Variants in BRD4 observed in about 807,000 individuals in gnomAD.
The protein encoded by BRD4 is bromodomain-containing protein 4.
A neutral mutation model predicts 142.1 loss-of-function variants in BRD4; 16 were observed. The observed-to-expected ratio is 0.11, with a 90% CI of 0.08 to 0.17. The LOEUF (loss-of-function observed/expected upper bound fraction) is 0.17, where lower values mean the gene tolerates loss of function less well. Ranked by LOEUF, BRD4 falls within the 10% of genes least tolerant of loss-of-function variation. The probability of loss-of-function intolerance (pLI) is 1.00; values close to 1 mark genes in which losing one functional copy is unlikely to be tolerated. For synonymous variants in BRD4, 833 were observed against 707.5 expected (o/e 1.18, Z -2.82); for missense variants, 1,424 against 1,810.9 (o/e 0.79, Z 3.88).
At chr19:15,325,153 G>A (rs2048096332) in intron 1 of BRD4, among the ~76,000 whole-genome samples, 1 of 152,188 alleles carries the variant, frequency 6.6e-6, no homozygotes, top group South Asian at 2.1e-4. Flanking sequence ...TGTGCTGTGT[G>A]TCCTCTAAGG....
chr19:15,268,555 A>C (rs1200906511), intron 3 of BRD4, among the ~76,000 whole-genome samples: 1 of 152,104 alleles, frequency 6.6e-6, no homozygotes, highest in Non-Finnish European at 1.5e-5. Flanking sequence ...CTAACAATTT[A>C]CATCACCCAA....
intron 1 of BRD4, among the ~76,000 whole-genome samples, chr19:15,313,107 C>T (rs1207832568): frequency 6.6e-6 from 1 of 151,886 alleles, no homozygotes; most frequent in East Asian, 1.9e-4. Context: ...CACGGTGGCT[C>T]ACGCCCGTAA....
chr19:15,272,125 C>T (rs1182399949), intron 2 of BRD4, among the ~76,000 whole-genome samples: 2 of 152,122 alleles, frequency 1.3e-5, no homozygotes, highest in African/African-American at 4.8e-5. Flanking sequence ...GCTGGAGATA[C>T]AGGTTTGCTT....
In BRD4 at chr19:15,238,484, T is replaced by C. The variant is rs878965476; in HGVS notation, c.4021-39A>G. 6.2e-7 allele frequency: 1 copy of C among 1,613,202 alleles called. No individual in the cohort carries two copies. Among genetic ancestry groups the C allele is most frequent in the South Asian group, 1.1e-5 (1 of 91,012 alleles). On this transcript the variant is annotated intron_variant, in intron 19 of 19. Transcript: ENST00000679869. This position sits in a 1 kb window ranked among gnomAD's most constrained non-coding sequence, Gnocchi z 7.2. ...GAAGGAGGGAGTCAGGAGGATGACC[T>C]AGCCACCCTGCAGCTACAAGCCCTC... is the stretch of plus-strand genomic sequence containing the variant.
intron 1 of BRD4, among the ~76,000 whole-genome samples, chr19:15,280,678 T>A (rs1212838900): frequency 6.6e-6 from 1 of 152,176 alleles, no homozygotes; most frequent in Admixed American, 6.5e-5. Context: ...CCATACAGAC[T>A]GCCAGCCAAT....
rs2047255959 is a variant in BRD4, at chr19:15,243,319, T to C, written c.2750A>G (p.Glu917Gly). 5 of 1,190,100 alleles carry C rather than the reference T, an allele frequency of 4.2e-6. No homozygotes were observed. In the Admixed American group the frequency reaches 1.6e-4, roughly 39 times the overall value. The allele number at this position is 1,190,100 out of a possible 1,614,324, so 73.7% of individuals were successfully genotyped here. Residue 917 changes from glutamate to glycine, a missense_variant, in exon 14 of 20, where the codon GAG becomes GGG. This residue lies in a region of BRD4 where 598 missense variants were observed against 647.8 expected (regional missense o/e 0.92). Transcript: ENST00000679869. ...GGAGGTGAGGGGTGGGGCAGGTGGCTCTTCATCCTCCAGCAGCACTTGGGG... is the reference window on the plus strand; with the variant it reads ...GGAGGTGAGGGGTGGGGCAGGTGGCCCTTCATCCTCCAGCAGCACTTGGGG... ...QPPQVLLEDE[E>G]PPAPPLTSMQ...
intron 1 of BRD4, among the ~76,000 whole-genome samples, chr19:15,328,378 A>T (rs2048127682): frequency 6.6e-6 from 1 of 152,204 alleles, no homozygotes; most frequent in Non-Finnish European, 1.5e-5. Context: ...CCTCTTGAAA[A>T]TACTTTTGGC....
intron 1 of BRD4, among the ~76,000 whole-genome samples, chr19:15,276,120 C>T (rs1163690861): frequency 2.0e-5 from 3 of 152,240 alleles, no homozygotes. Flanking sequence ...AGGGACCACA[C>T]TGACCTACTG....
Position 15,243,388 on chromosome 19 carries a change from A to G in BRD4, c.2681T>C (p.Leu894Ser). 1 of 1,530,744 alleles carries G rather than the reference A, an allele frequency of 6.5e-7. No individual in the cohort carries two copies. The highest frequency in any genetic ancestry group is 2.4e-5 in the East Asian group (1 of 42,488). 94.8% of individuals were successfully genotyped at this position (1,530,744 alleles called of 1,614,324 possible). ...CTGTGGGAGCAGGGGTGTTTGGGTC[A>G]AGGCTGGTGACACGGCTGGGGGCCG... is the stretch of plus-strand genomic sequence containing the variant. ...PARPPAVSPALTQTPLLPQPP... is the reference protein window; with the variant it reads ...PARPPAVSPASTQTPLLPQPP... The change falls in exon 14 of 20, where the codon TTG becomes TCG. Residue 894 changes from leucine to serine, a missense_variant. Transcript: ENST00000679869.
At chr19:15,259,515 CA>C (rs1214461123) in intron 7 of BRD4, among the ~76,000 whole-genome samples, 1 of 152,216 alleles carries the variant, frequency 6.6e-6, no homozygotes, top group Non-Finnish European at 1.5e-5. Flanking sequence ...ATACAAGACA[CA>C]AAGTCAGCTA....
intron 10 of BRD4, among the ~76,000 whole-genome samples, 161 bp downstream of exon 10, chr19:15,255,136 A>G (rs547094781): frequency 1.3e-5 from 2 of 151,570 alleles, no homozygotes; most frequent in East Asian, 3.9e-4. Context: ...GGGTGAGTGC[A>G]ATGTCACAAC....
rs2047965149 is a variant in BRD4, at chr19:15,310,961, C to CGCACCCA, written c.-35+21322_-35+21328dup. Among the ~76,000 whole-genome samples, 5 of 152,138 alleles carry CGCACCCA rather than the reference C, an allele frequency of 3.3e-5. 1 individual carries two copies. The highest frequency in any genetic ancestry group is 1.2e-4 in the African/African-American group (5 of 41,526). ...AATTTAAAGCCCCTCAGCAGGCTTC[C>CGCACCCA]GCACCCACGTTCTTAGTTCTAACAT... On this transcript the variant is annotated intron_variant, in intron 1 of 19. Coordinates refer to ENST00000679869, the MANE Select transcript of BRD4 (RefSeq NM_001379291.1).
chr19:15,259,135 C>G (rs2047442946), intron 7 of BRD4, among the ~76,000 whole-genome samples: 1 of 152,106 alleles, frequency 6.6e-6, no homozygotes, highest in East Asian at 1.9e-4. Flanking sequence ...GGCTCAGGTC[C>G]CAAAATGACT....
At chr19:15,241,402 G>A (rs906748959) in intron 14 of BRD4, among the ~76,000 whole-genome samples, 1 of 152,232 alleles carries the variant, frequency 6.6e-6, no homozygotes, top group African/African-American at 2.4e-5. Flanking sequence ...ATGGCTCACG[G>A]ATGACTCCTG....
intron 1 of BRD4, among the ~76,000 whole-genome samples, chr19:15,313,351 C>A (rs1280100122): frequency 1.6e-5 from 2 of 129,022 alleles, no homozygotes; most frequent in African/African-American, 5.9e-5. Flanking sequence ...CCAGCCTGGG[C>A]AACAAAGCAA....
intron 1 of BRD4, among the ~76,000 whole-genome samples, chr19:15,304,046 G>A (rs946534919): frequency 2.0e-5 from 3 of 152,130 alleles, no homozygotes; most frequent in Admixed American, 6.5e-5. Flanking sequence ...CCACTCATCC[G>A]TCACAGTGAA....
In BRD4 at chr19:15,237,972, G is replaced by C. The variant is rs2047207194; in HGVS notation, c.*405C>G. On this transcript the variant is annotated 3_prime_UTR_variant, in exon 20 of 20. Coordinates refer to ENST00000679869, the MANE Select transcript of BRD4 (RefSeq NM_001379291.1). ...GGGTGTGGGGAAAGACTCCCGGCGG[G>C]CAGGACATCACGAACGTCACGTTCT... is the stretch of plus-strand genomic sequence containing the variant. 1 of 244,250 alleles carries C rather than the reference G, an allele frequency of 4.1e-6. No individual in the cohort carries two copies. The highest frequency in any genetic ancestry group is 5.4e-5 in the Admixed American group (1 of 18,398). 15.1% of individuals were successfully genotyped at this position (244,250 alleles called of 1,614,324 possible). A position where few individuals can be genotyped will look rare whatever the true frequency, so the allele number is the denominator to read the frequency against.
chr19:15,249,143 C>G (rs2047318265), intron 11 of BRD4: 11 of 1,445,446 alleles, frequency 7.6e-6, no homozygotes, highest in Middle Eastern at 1.7e-4. Flanking sequence ...CCCCGGGGGA[C>G]AGGCCCAGGG....
intron 1 of BRD4, among the ~76,000 whole-genome samples, chr19:15,307,533 T>C (rs2145701117): frequency 6.6e-6 from 1 of 152,292 alleles, no homozygotes; most frequent in East Asian, 1.9e-4. Flanking sequence ...TAATTGCCCA[T>C]ATAAAACACA....
Sources: gnomAD v4.1 joint callset for allele counts (sites outside exome capture counted in the v4.1 genomes callset) on GRCh38, gnomAD v4.1.1 for gene constraint, gnomAD v4.1.1 regional missense constraint, Gnocchi (gnomAD v3.1) non-coding constraint, MANE v1.5 for transcripts, NCBI Gene and HGNC (gene_info 2026-07-23, HGNC 2026-07-21) for gene names.